Variants in ABCD2 observed in about 807,000 individuals in gnomAD.
The protein encoded by ABCD2 is ATP-binding cassette sub-family D member 2.
A neutral mutation model predicts 70.9 loss-of-function variants in ABCD2; 36 were observed. The ratio of observed to expected loss-of-function variants is 0.51; its 90% confidence interval spans 0.39 to 0.67. ABCD2 has a LOEUF of 0.67. ABCD2 is among the 30% of genes least tolerant of loss of function. The probability of loss-of-function intolerance (pLI) is 0.00; values close to 1 mark genes in which losing one functional copy is unlikely to be tolerated. For synonymous variants in ABCD2, 304 were observed against 306.9 expected (o/e 0.99, Z 0.10); for missense variants, 729 against 890.2 (o/e 0.82, Z 2.30).
rs746625113 is a variant in ABCD2, at chr12:39,617,092, C to A, written c.1016G>T (p.Trp339Leu). The change falls in exon 2 of 10, where the codon TGG becomes TTG. Residue 339 changes from tryptophan to leucine, a missense_variant. Transcript: ENST00000308666. ...CAGGAACTGTTCTATCATGATGTAC[C>A]ACAAACGTTTGGATAAAATGAGGTT... Reference protein sequence around the residue: ...QMNLILSKRLWYIMIEQFLMK... With the variant: ...QMNLILSKRLLYIMIEQFLMK... 1.2e-6 allele frequency: 2 copies of A among 1,612,770 alleles called. No homozygotes were observed. The highest frequency in any genetic ancestry group is 1.7e-6 in the Non-Finnish European group (2 of 1,179,328).
chr12:39,566,571 A>T (rs1055548373), intron 9 of ABCD2, among the ~76,000 whole-genome samples: 1 of 152,056 alleles, frequency 6.6e-6, no homozygotes, highest in African/African-American at 2.4e-5. Flanking sequence ...TGATCTTTTC[A>T]AAAAACCAGC....
At chr12:39,586,949 G>C (rs896624565) in intron 6 of ABCD2, among the ~76,000 whole-genome samples, 7 of 152,168 alleles carry the variant, frequency 4.6e-5, no homozygotes, top group African/African-American at 1.7e-4. Context: ...CCACTGGCAG[G>C]CCTATGGGTA....
the ABCD2 span, among the ~76,000 whole-genome samples, chr12:39,537,062 T>C: frequency 1.3e-5 from 2 of 152,086 alleles, no homozygotes; most frequent in Non-Finnish European, 2.9e-5. Flanking sequence ...CTTTTTTTTT[T>C]TCTCTGTGTG....
rs1941097572 is a variant in ABCD2 at position 39,552,169 on chromosome 12, A to G, written c.*1743T>C. 1 of 152,088 alleles carries G rather than the reference A, an allele frequency of 6.6e-6. No individual in the cohort carries two copies. Among genetic ancestry groups the G allele is most frequent in the Middle Eastern group, 3.4e-3 (1 of 294 alleles). The allele number at this position is 152,088 out of a possible 1,614,324, so 9.4% of individuals were successfully genotyped here. ...ACAAATGTACTGATTATAATTTTAT[A>G]TTGCATTCCTTCATGTAAGTTGGTT... On this transcript the variant is annotated 3_prime_UTR_variant, in exon 10 of 10. Coordinates refer to ENST00000308666, the MANE Select transcript of ABCD2 (RefSeq NM_005164.4).
chr12:39,544,725 C>T, the ABCD2 span, among the ~76,000 whole-genome samples: 1 of 152,082 alleles, frequency 6.6e-6, no homozygotes, highest in African/African-American at 2.4e-5. Context: ...TGGCTTCTTC[C>T]TGCTGACAGG....
In ABCD2 at chr12:39,576,066, T is replaced by C. The variant is rs1379550083; in HGVS notation, c.1878-2225A>G. On this transcript the variant is annotated intron_variant, in intron 8 of 9. Transcript: ENST00000308666. Reference sequence around the variant, plus strand: ...TATTACATTTCTATGCTGGTGATCATATTACTGGGTACTTATGGCCTAGAC... The same window carrying C: ...TATTACATTTCTATGCTGGTGATCACATTACTGGGTACTTATGGCCTAGAC... 2.0e-5 allele frequency among the ~76,000 whole-genome samples: 3 copies of C among 152,202 alleles called. No individual in the cohort carries two copies. The East Asian group carries it at 5.8e-4, about 29-fold the overall frequency.
the ABCD2 span, among the ~76,000 whole-genome samples, chr12:39,534,375 G>T: frequency 3.9e-5 from 6 of 152,196 alleles, no homozygotes; most frequent in Non-Finnish European, 8.8e-5. Flanking sequence ...GTTTCTAATT[G>T]TGTGATCTGG....
chr12:39,535,159 G>A, the ABCD2 span, among the ~76,000 whole-genome samples: 1 of 152,124 alleles, frequency 6.6e-6, no homozygotes, highest in East Asian at 1.9e-4. Flanking sequence ...AGCCACTAGA[G>A]GGCTATCAAA....
the ABCD2 span, among the ~76,000 whole-genome samples, chr12:39,541,505 A>C: frequency 6.6e-6 from 1 of 152,228 alleles, no homozygotes; most frequent in South Asian, 2.1e-4. Flanking sequence ...AGGCTTGAGG[A>C]GAAAGGAATT....
intron 6 of ABCD2, among the ~76,000 whole-genome samples, chr12:39,595,365 A>G (rs953089778): frequency 6.6e-6 from 1 of 152,230 alleles, no homozygotes; most frequent in African/African-American, 2.4e-5. Context: ...AACGCTAAGT[A>G]AAGTATGTAG....
At chr12:39,605,363 A>T (rs1941955622) in intron 3 of ABCD2, among the ~76,000 whole-genome samples, 1 of 152,078 alleles carries the variant, frequency 6.6e-6, no homozygotes. Context: ...CTATTATGAA[A>T]TGAATGTTTC....
chr12:39,563,321 T>C (rs893458783), intron 9 of ABCD2, among the ~76,000 whole-genome samples: 1 of 151,954 alleles, frequency 6.6e-6, no homozygotes, highest in African/African-American at 2.4e-5. Context: ...ATCCTAGGGG[T>C]TTTTTGGTTG....
chr12:39,580,378 A>G (rs183549086), intron 7 of ABCD2, among the ~76,000 whole-genome samples: 63 of 152,306 alleles, frequency 4.1e-4, no homozygotes, highest in African/African-American at 1.5e-3. Flanking sequence ...ATATTTATTC[A>G]AAAAACAAGC....
At position 39,550,828 on chromosome 12, in the gene ABCD2, A is replaced by G. The variant is rs1941077994; in HGVS notation, c.*3084T>C. On this transcript the variant is annotated 3_prime_UTR_variant, in exon 10 of 10. Coordinates refer to ENST00000308666, the MANE Select transcript of ABCD2 (RefSeq NM_005164.4). ...TATGCATATATTAGAAGTGTGTAAC[A>G]TTCTCTGGACTTGGGTTTCAATGTG... 1 of 151,672 alleles carries G rather than the reference A, an allele frequency of 6.6e-6. No homozygotes were observed. Among genetic ancestry groups the G allele is most frequent in the Non-Finnish European group, 1.5e-5 (1 of 67,634 alleles). The allele number at this position is 151,672 out of a possible 1,614,324, so 9.4% of individuals were successfully genotyped here. A position where few individuals can be genotyped will look rare whatever the true frequency, so the allele number is the denominator to read the frequency against.
chr12:39,571,283 A>G (rs1941444869), intron 9 of ABCD2, among the ~76,000 whole-genome samples: 3 of 152,214 alleles, frequency 2.0e-5, no homozygotes, highest in Non-Finnish European at 4.4e-5. Flanking sequence ...TGTTTATTTC[A>G]GCACTATTTT....
intron 9 of ABCD2, among the ~76,000 whole-genome samples, chr12:39,565,405 T>C (rs1941328984): frequency 6.6e-6 from 1 of 152,132 alleles, no homozygotes; most frequent in African/African-American, 2.4e-5. Context: ...TGAATGGGAG[T>C]TCACTCATGA....
At chr12:39,544,821 T>C in the ABCD2 span, among the ~76,000 whole-genome samples, 1 of 152,282 alleles carries the variant, frequency 6.6e-6, no homozygotes, top group South Asian at 2.1e-4. Context: ...GCAGGCCTGG[T>C]TGAGCTTCCA....
At position 39,563,377 on chromosome 12, in the gene ABCD2, G is replaced by A. The variant is rs189624122; in HGVS notation, c.2004-9246C>T. On this transcript the variant is annotated intron_variant, in intron 9 of 9. Coordinates refer to ENST00000308666, the MANE Select transcript of ABCD2 (RefSeq NM_005164.4). ...TCTGCAGTCCAGCCTGGGTGACAGAGTGAGACCCTGACTCTAAACAAACAA... is the reference window on the plus strand; with the variant it reads ...TCTGCAGTCCAGCCTGGGTGACAGAATGAGACCCTGACTCTAAACAAACAA... Among the ~76,000 whole-genome samples the A allele has an allele frequency of 2.0e-5, 3 of 152,220 alleles. No homozygotes were observed. The East Asian group carries it at 5.8e-4, about 29-fold the overall frequency.
the ABCD2 span, among the ~76,000 whole-genome samples, chr12:39,541,357 A>C: frequency 6.6e-6 from 1 of 152,206 alleles, no homozygotes; most frequent in African/African-American, 2.4e-5. Flanking sequence ...TCTGAAGAAA[A>C]AAATGAGTAA....
Sources: allele counts gnomAD v4.1 joint callset (sites outside exome capture counted in the v4.1 genomes callset), GRCh38; gene constraint gnomAD v4.1.1; transcripts MANE v1.5; gene names NCBI Gene and HGNC (gene_info 2026-07-23, HGNC 2026-07-21).